The following CEP112 variants were observed in gnomAD, a reference collection of about 807,000 sequenced individuals.
CEP112 encodes the protein centrosomal protein of 112 kDa.
CEP112 carries 127 observed loss-of-function variants against 153.0 expected under a neutral mutation model. The ratio of observed to expected loss-of-function variants is 0.83; its 90% CI spans 0.72 to 0.96. CEP112 has a LOEUF of 0.96. Ranked by LOEUF, CEP112 falls within the 40% of genes least tolerant of loss-of-function variation. CEP112 has a pLI of 0.00. For missense variants in CEP112, 1,089 were observed against 1,101.2 expected (o/e 0.99, Z 0.16); for synonymous variants, 358 against 374.4 (o/e 0.96, Z 0.51).
At chr17:65,968,213 A>C (rs889458477) in intron 17 of CEP112, among the ~76,000 whole-genome samples, 6 of 152,144 alleles carry the variant, frequency 3.9e-5, no homozygotes, top group African/African-American at 1.2e-4. Context: ...AAGTCACTCA[A>C]GCAGAATGAT....
chr17:65,875,185 T>C (rs897075436), intron 20 of CEP112, among the ~76,000 whole-genome samples: 1 of 151,414 alleles, frequency 6.6e-6, no homozygotes, highest in Non-Finnish European at 1.5e-5. Flanking sequence ...ATGAATTATT[T>C]AGTCAGAAAT....
At chr17:65,753,667 T>G (rs1271281815) in intron 21 of CEP112, among the ~76,000 whole-genome samples, 3 of 152,208 alleles carry the variant, frequency 2.0e-5, no homozygotes, top group Admixed American at 6.5e-5. Context: ...TGTCACTATT[T>G]TTTTTTGTCA....
At position 65,637,123 on chromosome 17, in the gene CEP112, C is replaced by T; in HGVS notation, c.2864+1G>A. 2 of 1,613,038 alleles carry T rather than the reference C, an allele frequency of 1.2e-6. No individual in the cohort carries two copies. ...ACAAGACACCTGCTTATGGGCTGTA[C>T]CTTCTGCCTTGATATGTAGTCAGTT... On this transcript the variant is annotated splice_donor_variant, in intron 26 of 26. Coordinates refer to ENST00000535342, the MANE Select transcript of CEP112 (RefSeq NM_001199165.4). LOFTEE classifies it high-confidence loss of function.
chr17:66,189,080 T>C (rs1268121484), intron 1 of CEP112, among the ~76,000 whole-genome samples: 1 of 152,196 alleles, frequency 6.6e-6, no homozygotes, highest in Non-Finnish European at 1.5e-5. Context: ...AATTCAACCA[T>C]TAAATGACTA....
chr17:66,115,077 C>A (rs181435432), intron 6 of CEP112, among the ~76,000 whole-genome samples: 5 of 152,108 alleles, frequency 3.3e-5, no homozygotes, highest in African/African-American at 1.2e-4. Flanking sequence ...TGGTGGCGGA[C>A]ACCTGTAATC....
chr17:66,074,873 G>GAA (rs1242846957), intron 8 of CEP112, among the ~76,000 whole-genome samples: 52 of 91,314 alleles, frequency 5.7e-4, no homozygotes, highest in African/African-American at 1.9e-3. Context: ...AAAAAAAAAA[G>GAA]AAAAAAAAAA....
intron 17 of CEP112, among the ~76,000 whole-genome samples, chr17:65,963,713 C>T (rs962931334): frequency 2.6e-5 from 4 of 151,692 alleles, no homozygotes; most frequent in Non-Finnish European, 5.9e-5. Context: ...GTTCTCTCCT[C>T]GCACCCATAT....
chr17:65,881,059 C>CA (rs2059049431), intron 20 of CEP112, among the ~76,000 whole-genome samples: 1 of 152,024 alleles, frequency 6.6e-6, no homozygotes, highest in South Asian at 2.1e-4. Context: ...TACTAAAATA[C>CA]AAAAAATTAG....
At chr17:66,036,205 T>C (rs1482001554) in intron 12 of CEP112, among the ~76,000 whole-genome samples, 1 of 152,152 alleles carries the variant, frequency 6.6e-6, no homozygotes. Context: ...TGCCAGGGGC[T>C]AGACAGAATG....
intron 4 of CEP112, among the ~76,000 whole-genome samples, chr17:66,133,803 G>A (rs1872038761): frequency 6.6e-6 from 1 of 152,104 alleles, no homozygotes; most frequent in Non-Finnish European, 1.5e-5. Context: ...ATTTCTAAAA[G>A]ACAGAATGTT....
chr17:66,083,486 C>G lies in CEP112; in HGVS notation c.768+12765G>C, dbSNP rs974835457. The stretch of plus-strand genomic sequence containing the variant: ...TAAAAAATTGGTATCAATTAATTAT[C>G]TCCAGACTTACTGGATCCTTTAATA... On this transcript the variant is annotated intron_variant, in intron 8 of 26. Coordinates refer to ENST00000535342, the MANE Select transcript of CEP112 (RefSeq NM_001199165.4). 1.2e-4 allele frequency among the ~76,000 whole-genome samples: 18 copies of G among 152,286 alleles called. No individual in the cohort carries two copies. The East Asian group carries it at 3.5e-3, about 29-fold the overall frequency.
intron 4 of CEP112, among the ~76,000 whole-genome samples, chr17:66,140,148 C>A (rs1404130906): frequency 1.3e-5 from 2 of 151,974 alleles, no homozygotes; most frequent in African/African-American, 4.8e-5. Flanking sequence ...AATGCGATAC[C>A]CCACATTAAC....
At chr17:66,053,017 G>T (rs551877332) in intron 12 of CEP112, among the ~76,000 whole-genome samples, 2 of 151,762 alleles carry the variant, frequency 1.3e-5, no homozygotes, top group African/African-American at 4.8e-5. Context: ...TTAGGCACAA[G>T]AATCGCTTGA....
chr17:66,097,149 T>C (rs1263020109), intron 6 of CEP112, among the ~76,000 whole-genome samples: 1 of 152,144 alleles, frequency 6.6e-6, no homozygotes, highest in Non-Finnish European at 1.5e-5. Context: ...AAATCTCCCT[T>C]TCAGATTCAT....
chr17:66,081,269 T>C (rs1480046208), intron 8 of CEP112, among the ~76,000 whole-genome samples: 1 of 152,188 alleles, frequency 6.6e-6, no homozygotes, highest in Non-Finnish European at 1.5e-5. Flanking sequence ...TTTTCAAAGA[T>C]GCAGGTATTA....
chr17:66,023,030 T>TA (rs1568391258), intron 16 of CEP112, among the ~76,000 whole-genome samples: 1 of 151,800 alleles, frequency 6.6e-6, no homozygotes, highest in Non-Finnish European at 1.5e-5. Flanking sequence ...AAATAAATTT[T>TA]AAAAAAATGA....
At chr17:65,643,643 T>C (rs2045272655) in intron 24 of CEP112, among the ~76,000 whole-genome samples, 1 of 152,120 alleles carries the variant, frequency 6.6e-6, no homozygotes, top group Admixed American at 6.6e-5. Flanking sequence ...TGTGGAGCGT[T>C]AGCAACAGGT....
chr17:65,985,330 T>C (rs571181477), intron 17 of CEP112, among the ~76,000 whole-genome samples: 16 of 152,202 alleles, frequency 1.1e-4, no homozygotes, highest in South Asian at 8.3e-4. Context: ...AAACACCCTA[T>C]AAATTAACAA....
At chr17:66,183,534 T>C (rs142586933) in intron 1 of CEP112, among the ~76,000 whole-genome samples, 41 of 152,052 alleles carry the variant, frequency 2.7e-4, no homozygotes, top group African/African-American at 9.2e-4. Context: ...CCAAACAATT[T>C]TGAGAAAGTA....
Sources: gnomAD v4.1 joint callset for allele counts (sites outside exome capture counted in the v4.1 genomes callset) on GRCh38, gnomAD v4.1.1 for gene constraint, MANE v1.5 for transcripts, NCBI Gene and HGNC (gene_info 2026-07-23, HGNC 2026-07-21) for gene names.